Variants in GRIK1 observed in about 807,000 individuals in gnomAD.
The protein encoded by GRIK1 is glutamate ionotropic receptor kainate type subunit 1, also known as glutamate receptor ionotropic, kainate 1.
In GRIK1, 69 loss-of-function variants were observed where a neutral mutation model predicts 105.7. That is an observed-to-expected ratio of 0.65 (90% CI 0.54 to 0.80). GRIK1 has a LOEUF of 0.80. Among genes scored for constraint, GRIK1 ranks in the 30% least tolerant of loss-of-function variants. The pLI is 0.00. For missense variants in GRIK1, 1,109 were observed against 1,167.3 expected (o/e 0.95, Z 0.73); for synonymous variants, 438 against 431.3 (o/e 1.02, Z -0.19).
intron 12 of GRIK1, among the ~76,000 whole-genome samples, chr21:29,585,628 A>G (rs2091114738): frequency 6.6e-6 from 1 of 152,110 alleles, no homozygotes; most frequent in African/African-American, 2.4e-5. Context: ...GGCTGCATGA[A>G]TTGCTCCATC....
intron 15 of GRIK1, among the ~76,000 whole-genome samples, chr21:29,557,313 G>A (rs2090282502): frequency 6.6e-6 from 1 of 152,060 alleles, no homozygotes; most frequent in Non-Finnish European, 1.5e-5. Context: ...GAAATCTTAG[G>A]AATGATACAG....
At chr21:29,786,275 C>T (rs2066260063) in intron 1 of GRIK1, among the ~76,000 whole-genome samples, 1 of 152,232 alleles carries the variant, frequency 6.6e-6, no homozygotes, top group Admixed American at 6.5e-5. Flanking sequence ...GCGTGAGCCA[C>T]AGCGCCCAGC....
chr21:29,699,840 G>A (rs1207619705), intron 1 of GRIK1, among the ~76,000 whole-genome samples: 1 of 151,916 alleles, frequency 6.6e-6, no homozygotes, highest in Non-Finnish European at 1.5e-5. Context: ...GTACAGAGAG[G>A]GTTTCGGCAT....
chr21:29,883,289 A>G (rs1186581969), intron 1 of GRIK1, among the ~76,000 whole-genome samples: 1 of 152,146 alleles, frequency 6.6e-6, no homozygotes, highest in African/African-American at 2.4e-5. Context: ...ATGAAACAGT[A>G]TTAGAACTGA....
chr21:29,618,777 C>G (rs756117043), intron 7 of GRIK1, among the ~76,000 whole-genome samples: 4 of 152,160 alleles, frequency 2.6e-5, no homozygotes, highest in Non-Finnish European at 5.9e-5. Flanking sequence ...GAAAACCAAA[C>G]AATGTATGTT....
chr21:29,691,070 G>A (rs903303559), intron 2 of GRIK1, among the ~76,000 whole-genome samples: 3 of 151,780 alleles, frequency 2.0e-5, no homozygotes, highest in African/African-American at 7.3e-5. Flanking sequence ...CAGCACTTTG[G>A]GAGGCTGAGA....
chr21:29,803,397 G>T (rs192542286), intron 1 of GRIK1, among the ~76,000 whole-genome samples: 1 of 152,138 alleles, frequency 6.6e-6, no homozygotes, highest in Admixed American at 6.6e-5. Context: ...ATAAGCAAAT[G>T]AACATGTCAC....
At chr21:29,748,845 G>A (rs977859332) in intron 1 of GRIK1, 5 of 152,132 alleles carry the variant, frequency 3.3e-5, no homozygotes, top group Non-Finnish European at 5.9e-5. Context: ...TACCTGGAAC[G>A]GGCAGGAAAG....
At chr21:29,927,870 CA>C (rs927108065) in intron 1 of GRIK1, among the ~76,000 whole-genome samples, 117 of 150,818 alleles carry the variant, frequency 7.8e-4, no homozygotes, top group South Asian at 3.6e-3. Context: ...GACTCCGTCT[CA>C]AAAAAAACAA....
rs185534568 is a variant in GRIK1 at position 29,651,884 on chromosome 21, G to A, written c.781-593C>T. Among the ~76,000 whole-genome samples, 572 of 151,682 alleles carry A rather than the reference G, an allele frequency of 3.8e-3. 1 individual carries two copies. Among genetic ancestry groups the A allele is most frequent in the African/African-American group, 0.013 (546 of 41,382 alleles). On this transcript the variant is annotated intron_variant, in intron 5 of 17. Coordinates refer to ENST00000327783, the MANE Select transcript of GRIK1 (RefSeq NM_001330994.2). Reference sequence around the variant, plus strand: ...TATAGATTAAAACAAAATGGCAGCCGTACCACACTATTTCAATAAAAGAAC... The same window carrying A: ...TATAGATTAAAACAAAATGGCAGCCATACCACACTATTTCAATAAAAGAAC...
chr21:29,807,470 T>C (rs1004983862), intron 1 of GRIK1, among the ~76,000 whole-genome samples: 1 of 152,088 alleles, frequency 6.6e-6, no homozygotes, highest in Non-Finnish European at 1.5e-5. Flanking sequence ...GATGTTTCCA[T>C]AGGGTCAGGT....
chr21:29,826,052 A>G (rs959147821), intron 1 of GRIK1, among the ~76,000 whole-genome samples: 1 of 152,132 alleles, frequency 6.6e-6, no homozygotes, highest in Admixed American at 6.6e-5. Flanking sequence ...TGAGACTGAG[A>G]AAAGTGTAAT....
intron 6 of GRIK1, among the ~76,000 whole-genome samples, chr21:29,644,760 T>C (rs548371573): frequency 6.6e-6 from 1 of 152,316 alleles, no homozygotes; most frequent in South Asian, 2.1e-4. Flanking sequence ...ACTAATTCTG[T>C]TTAATTGGAG....
At chr21:29,682,917 A>T (rs2063408529) in intron 3 of GRIK1, among the ~76,000 whole-genome samples, 1 of 151,072 alleles carries the variant, frequency 6.6e-6, no homozygotes, top group Non-Finnish European at 1.5e-5. Context: ...ATCTATAAAG[A>T]ACTTACATCA....
At chr21:29,738,066 C>T (rs2064839462) in intron 1 of GRIK1, among the ~76,000 whole-genome samples, 1 of 152,218 alleles carries the variant, frequency 6.6e-6, no homozygotes, top group Non-Finnish European at 1.5e-5. Context: ...ACCATAGAGA[C>T]AGCTCAAGAA....
chr21:29,596,461 G>A, intron 9 of GRIK1, 65 bp downstream of exon 9: 1 of 1,034,352 alleles, frequency 9.7e-7, no homozygotes, highest in Non-Finnish European at 1.5e-6. Flanking sequence ...GAAGGGCACA[G>A]GCCTTTCCAA....
intron 1 of GRIK1, among the ~76,000 whole-genome samples, chr21:29,766,170 C>T (rs549028357): frequency 6.6e-6 from 1 of 152,146 alleles, no homozygotes; most frequent in East Asian, 1.9e-4. Flanking sequence ...CTTTAGACAA[C>T]TCAGTATGTT....
Position 29,756,901 on chromosome 21 carries a change from C to A in GRIK1, c.119-62838G>T, listed in dbSNP as rs144168875. On this transcript the variant is annotated intron_variant, in intron 1 of 17. Transcript: ENST00000327783. ...GGCCGAGGTGGGCGGATCGTCTGAG[C>A]TCAGGAATTGCAGACCAGCCTGGCC... Among the ~76,000 whole-genome samples, 656 of 152,148 alleles carry A rather than the reference C, an allele frequency of 4.3e-3. 5 individuals are homozygous for A. The highest frequency in any genetic ancestry group is 0.015 in the African/African-American group (622 of 41,520).
chr21:29,761,809 G>A (rs1248456137), intron 1 of GRIK1, among the ~76,000 whole-genome samples: 2 of 144,702 alleles, frequency 1.4e-5, no homozygotes, highest in African/African-American at 2.6e-5. Context: ...GTGAAATGGC[G>A]TGATCTCAGC....
Sources: allele counts gnomAD v4.1 joint callset (sites outside exome capture counted in the v4.1 genomes callset), GRCh38; gene constraint gnomAD v4.1.1; transcripts MANE v1.5; gene names NCBI Gene and HGNC (gene_info 2026-07-23, HGNC 2026-07-21).